NEK7: variants seen among roughly 807,000 people sequenced by gnomAD.
The protein encoded by NEK7 is serine/threonine-protein kinase Nek7.
A neutral mutation model predicts 44.6 loss-of-function variants in NEK7; 18 were observed. The observed-to-expected ratio is 0.40, with a 90% confidence interval of 0.28 to 0.60. The LOEUF (loss-of-function observed/expected upper bound fraction) is 0.60, where lower values mean the gene tolerates loss of function less well. NEK7 is among the 20% of genes least tolerant of loss of function. NEK7 has a pLI of 0.38. For missense variants in NEK7, 256 were observed against 366.5 expected, an observed-to-expected ratio of 0.70 and a Z score of 2.46; for synonymous variants, 130 against 121.1, an observed-to-expected ratio of 1.07 and a Z score of -0.48.
chr1:198,287,812 C>G (rs965644369), intron 7 of NEK7, among the ~76,000 whole-genome samples: 1 of 151,212 alleles, frequency 6.6e-6, no homozygotes, highest in Non-Finnish European at 1.5e-5. Flanking sequence ...AAATTATGTT[C>G]TTGTTTTTGT....
intron 2 of NEK7, among the ~76,000 whole-genome samples, chr1:198,244,487 C>T (rs1298010876): frequency 1.3e-5 from 2 of 152,014 alleles, no homozygotes; most frequent in South Asian, 2.1e-4. Context: ...AATATGAACC[C>T]GTGGCAAACA....
At chr1:198,260,429 AC>A (rs1236990480) in intron 3 of NEK7, among the ~76,000 whole-genome samples, 2 of 149,600 alleles carry the variant, frequency 1.3e-5, no homozygotes, top group East Asian at 3.9e-4. Context: ...TTTTTTTTTA[AC>A]CCCTTTTCCT....
At position 198,267,980 on chromosome 1, in the gene NEK7, TG is replaced by T. The variant is rs11368329; in HGVS notation, c.372+3747del. Among the ~76,000 whole-genome samples, 353 of 152,088 alleles carry T rather than the reference TG, an allele frequency of 2.3e-3. 1 individual carries two copies. The highest frequency in any genetic ancestry group is 8.4e-3 in the African/African-American group (348 of 41,516). On this transcript the variant is annotated intron_variant, in intron 5 of 9. Coordinates refer to ENST00000367385, the MANE Select transcript of NEK7 (RefSeq NM_133494.3). Reference sequence around the variant, plus strand: ...TTCTGCTTGATTTCTCAGCAGCATTTGGCTCTGCTTTTCATTCTCTTCCTAA... The same window carrying T: ...TTCTGCTTGATTTCTCAGCAGCATTTGCTCTGCTTTTCATTCTCTTCCTAA...
intron 3 of NEK7, among the ~76,000 whole-genome samples, chr1:198,262,369 A>G (rs1232515733): frequency 6.6e-6 from 1 of 151,908 alleles, no homozygotes; most frequent in Non-Finnish European, 1.5e-5. Context: ...TGTTCTCTTT[A>G]TCCATTTTTT....
At chr1:198,317,877 A>ATTTTTGTTTTT (rs537862004) in intron 9 of NEK7, among the ~76,000 whole-genome samples, 6 of 70,258 alleles carry the variant, frequency 8.5e-5, no homozygotes, top group Admixed American at 2.1e-4. Context: ...GGATATATTT[A>ATTTTTGTTTTT]TTTTTTTTTT....
At chr1:198,193,963 G>A (rs533246017) in intron 1 of NEK7, among the ~76,000 whole-genome samples, 14 of 152,270 alleles carry the variant, frequency 9.2e-5, no homozygotes, top group African/African-American at 3.1e-4. Flanking sequence ...GGAAATTCTG[G>A]CCAGGGCAAT....
At chr1:198,157,510 GC>G (rs1439325302) in intron 1 of NEK7, among the ~76,000 whole-genome samples, 1 of 152,196 alleles carries the variant, frequency 6.6e-6, no homozygotes, top group Non-Finnish European at 1.5e-5. Context: ...CCTGGCCCCG[GC>G]TCTAGAGGCC....
At chr1:198,288,480 T>G (rs1418315752) in intron 7 of NEK7, among the ~76,000 whole-genome samples, 2 of 152,198 alleles carry the variant, frequency 1.3e-5, no homozygotes, top group Non-Finnish European at 2.9e-5. Context: ...CAGATATTTT[T>G]TTCAGTTGTA....
At chr1:198,219,733 C>A (rs1666032177) in intron 1 of NEK7, among the ~76,000 whole-genome samples, 1 of 151,798 alleles carries the variant, frequency 6.6e-6, no homozygotes, top group Non-Finnish European at 1.5e-5. Context: ...TAAGTTGAAG[C>A]AATTCAGGGT....
At chr1:198,260,915 G>C (rs1388517286) in intron 3 of NEK7, among the ~76,000 whole-genome samples, 1 of 151,568 alleles carries the variant, frequency 6.6e-6, no homozygotes, top group Non-Finnish European at 1.5e-5. Flanking sequence ...TGAGTTTATG[G>C]ATTTTATTTT....
intron 1 of NEK7, among the ~76,000 whole-genome samples, chr1:198,192,859 A>G (rs1474817259): frequency 6.6e-6 from 1 of 152,084 alleles, no homozygotes; most frequent in African/African-American, 2.4e-5. Context: ...TCAAAAAGCT[A>G]GAAAGATCTC....
chr1:198,300,947 A>G (rs1206992191), intron 9 of NEK7, among the ~76,000 whole-genome samples: 1 of 152,178 alleles, frequency 6.6e-6, no homozygotes, highest in Non-Finnish European at 1.5e-5. Flanking sequence ...GTGTCCATTT[A>G]CTGGGAAATA....
intron 2 of NEK7, among the ~76,000 whole-genome samples, chr1:198,233,675 T>TGCA (rs1474079845): frequency 1.3e-5 from 2 of 151,540 alleles, no homozygotes; most frequent in South Asian, 2.1e-4. Context: ...TACACTAGTG[T>TGCA]GCATTGTGAA....
At chr1:198,264,289 A>G in intron 5 of NEK7, 54 bp downstream of exon 5, 1 of 1,317,514 alleles carries the variant, frequency 7.6e-7, no homozygotes, top group Non-Finnish European at 1.1e-6. Context: ...TTTCTAATAG[A>G]ATTGTCTGTT....
chr1:198,274,993 G>T (rs577685540), intron 5 of NEK7, among the ~76,000 whole-genome samples: 132 of 151,726 alleles, frequency 8.7e-4, no homozygotes, highest in Non-Finnish European at 1.5e-3. Context: ...TGAAATGATG[G>T]TAATCTTCTT....
intron 7 of NEK7, among the ~76,000 whole-genome samples, chr1:198,287,754 C>G (rs1414040629): frequency 2.6e-5 from 4 of 151,462 alleles, no homozygotes; most frequent in Non-Finnish European, 1.5e-5. Context: ...CTAAAACTCT[C>G]TGATATTGAT....
intron 1 of NEK7, among the ~76,000 whole-genome samples, chr1:198,225,903 CATT>C (rs1262484138): frequency 1.3e-5 from 2 of 152,136 alleles, no homozygotes; most frequent in African/African-American, 4.8e-5. Flanking sequence ...GTTTTTTCAT[CATT>C]GATTTTATAC....
At chr1:198,253,465 C>A (rs1428403644) in intron 3 of NEK7, among the ~76,000 whole-genome samples, 3 of 152,062 alleles carry the variant, frequency 2.0e-5, no homozygotes, top group Non-Finnish European at 4.4e-5. Context: ...TTACTTCTAC[C>A]TGGACATTTA....
chr1:198,277,393 C>T (rs1016630200), intron 5 of NEK7, among the ~76,000 whole-genome samples: 3 of 151,756 alleles, frequency 2.0e-5, no homozygotes, highest in Non-Finnish European at 4.4e-5. Context: ...GTTTTTCTTC[C>T]ATGGAGTTTA....
Sources: allele counts gnomAD v4.1 joint callset (sites outside exome capture counted in the v4.1 genomes callset), GRCh38; gene constraint gnomAD v4.1.1; transcripts MANE v1.5; gene names NCBI Gene and HGNC (gene_info 2026-07-23, HGNC 2026-07-21).